Variants in FBXO15 observed in about 807,000 individuals in gnomAD.
The protein encoded by FBXO15 is F-box protein 15.
FBXO15 carries 30 observed loss-of-function variants against 49.5 expected under a neutral mutation model. That is an observed-to-expected ratio of 0.61 (90% CI 0.45 to 0.82). The LOEUF (loss-of-function observed/expected upper bound fraction) is 0.82. Among genes scored for constraint, FBXO15 ranks in the 40% least tolerant of loss-of-function variants. The pLI, the probability that FBXO15 is intolerant of heterozygous loss-of-function variation, is 0.00. For synonymous variants in FBXO15, 250 were observed against 232.7 expected (o/e 1.07, Z -0.68); for missense variants, 591 against 631.5 (o/e 0.94, Z 0.69).
rs752621140 is a variant in FBXO15 at position 74,073,423 on chromosome 18, T to C, written c.*38A>G. The C allele has an allele frequency of 6.3e-7, 1 of 1,588,304 alleles. No individual in the cohort carries two copies. Among genetic ancestry groups the C allele is most frequent in the Admixed American group, 1.8e-5 (1 of 56,744 alleles). ...CACCAAGAACAAAGCCAGTCAAAAA[T>C]AAACAACTAAATAACAACAATAATT... On this transcript the variant is annotated 3_prime_UTR_variant, in exon 10 of 10. Coordinates refer to ENST00000419743, the MANE Select transcript of FBXO15 (RefSeq NM_001142958.2).
intron 8 of FBXO15, among the ~76,000 whole-genome samples, chr18:74,101,697 T>A (rs556040978): frequency 6.6e-6 from 1 of 152,104 alleles, no homozygotes; most frequent in Admixed American, 6.5e-5. Flanking sequence ...TGGCAACACA[T>A]TAACCTGATT....
intron 8 of FBXO15, among the ~76,000 whole-genome samples, chr18:74,093,783 T>A (rs1453247526): frequency 2.0e-5 from 3 of 152,218 alleles, no homozygotes; most frequent in African/African-American, 4.8e-5. Flanking sequence ...CTGTTAATGT[T>A]GATATTTTGA....
intron 8 of FBXO15, chr18:74,123,093 T>G: frequency 9.7e-6 from 3 of 308,434 alleles, no homozygotes; most frequent in Non-Finnish European, 5.9e-6. Context: ...CATGGAAAAA[T>G]AATAAGGAAG....
chr18:74,123,420 G>T lies in FBXO15; in HGVS notation c.1086C>A (p.Ser362Arg). Reference sequence around the variant, plus strand: ...TACCACATAGGTAGAAAACCCCACCGCTGTGCAGATCAACATGGAGTTGGT... The same window carrying T: ...TACCACATAGGTAGAAAACCCCACCTCTGTGCAGATCAACATGGAGTTGGT... Reference protein sequence around the residue: ...HGYQLHVDLHSGGVFYLCGTF... With the variant: ...HGYQLHVDLHRGGVFYLCGTF... The change falls in exon 8 of 10, where the codon AGC becomes AGA. Residue 362 changes from serine (S) to arginine (R), a missense_variant. Ser to Arg is a moderately radical substitution (Grantham distance 110). Transcript: ENST00000419743. The T allele has an allele frequency of 6.2e-7, 1 of 1,613,926 alleles. No homozygotes were observed. Among genetic ancestry groups the T allele is most frequent in the Non-Finnish European group, 8.5e-7 (1 of 1,179,932 alleles).
At chr18:74,140,378 C>A in intron 1 of FBXO15, 66 bp from the exon 2 acceptor site, 1 of 1,380,080 alleles carries the variant, frequency 7.2e-7, no homozygotes, top group Non-Finnish European at 9.8e-7. Context: ...CTATTCCCTT[C>A]TACAAAATTC....
rs562304020 is a variant in FBXO15 at position 74,077,883 on chromosome 18, G to A, written c.1263+4044C>T. Among the ~76,000 whole-genome samples the A allele has an allele frequency of 5.3e-5, 8 of 152,272 alleles. No homozygotes were observed. The South Asian group carries it at 6.2e-4, about 12-fold the overall frequency. Reference sequence around the variant, plus strand: ...TCTTCCACACCCCACCACCCTGCACGACCTTAGCCACTGGGCTAGCAGTCA... The same window carrying A: ...TCTTCCACACCCCACCACCCTGCACAACCTTAGCCACTGGGCTAGCAGTCA... On this transcript the variant is annotated intron_variant, in intron 9 of 9. Transcript: ENST00000419743.
chr18:74,085,831 C>A (rs961248322), intron 8 of FBXO15, among the ~76,000 whole-genome samples: 1 of 152,036 alleles, frequency 6.6e-6, no homozygotes, highest in African/African-American at 2.4e-5. Context: ...AAGCTGAAAC[C>A]ATAACAATGG....
chr18:74,096,887 C>T (rs1466853609), intron 8 of FBXO15: 3 of 152,238 alleles, frequency 2.0e-5, no homozygotes, highest in Non-Finnish European at 4.4e-5. Context: ...ACAGGACACA[C>T]ACCAAATACT....
At chr18:74,143,752 G>A (rs189529553) in intron 1 of FBXO15, among the ~76,000 whole-genome samples, 1 of 152,164 alleles carries the variant, frequency 6.6e-6, no homozygotes, top group South Asian at 2.1e-4. Context: ...TGTCTATATG[G>A]CTTGCTCCCT....
intron 8 of FBXO15, among the ~76,000 whole-genome samples, chr18:74,112,489 C>G (rs1184770449): frequency 6.6e-6 from 1 of 152,010 alleles, no homozygotes; most frequent in East Asian, 1.9e-4. Context: ...AGGAAAAAAA[C>G]AGGAATACAG....
At chr18:74,122,202 C>T (rs1914505351) in intron 8 of FBXO15, among the ~76,000 whole-genome samples, 1 of 152,240 alleles carries the variant, frequency 6.6e-6, no homozygotes, top group African/African-American at 2.4e-5. Context: ...AATAAAATTA[C>T]TGCATTAAAG....
In FBXO15 at chr18:74,082,063, T is replaced by A; in HGVS notation, c.1139-12A>T. On this transcript the variant is annotated splice_polypyrimidine_tract_variant and intron_variant, in intron 8 of 9. Coordinates refer to ENST00000419743, the MANE Select transcript of FBXO15 (RefSeq NM_001142958.2). Reference sequence around the variant, plus strand: ...ATTTTCAATATTTCCTGAAAAGATATAAGATTGTTTCAATCACTGTCTTCC... The same window carrying A: ...ATTTTCAATATTTCCTGAAAAGATAAAAGATTGTTTCAATCACTGTCTTCC... The A allele has an allele frequency of 6.2e-7, 1 of 1,608,408 alleles. No individual in the cohort carries two copies. The highest frequency in any genetic ancestry group is 8.5e-7 in the Non-Finnish European group (1 of 1,178,192).
chr18:74,145,504 T>C (rs1233538076), intron 1 of FBXO15, among the ~76,000 whole-genome samples: 1 of 152,038 alleles, frequency 6.6e-6, no homozygotes, highest in East Asian at 1.9e-4. Flanking sequence ...CTCTGTACCA[T>C]GTCTTACATG....
chr18:74,090,942 A>C (rs146799697), intron 8 of FBXO15, among the ~76,000 whole-genome samples: 3 of 152,150 alleles, frequency 2.0e-5, no homozygotes, highest in Non-Finnish European at 4.4e-5. Context: ...TCAGGTCCTG[A>C]ATATCTTTGT....
intron 8 of FBXO15, among the ~76,000 whole-genome samples, chr18:74,087,216 T>C (rs1167094732): frequency 1.3e-5 from 2 of 152,248 alleles, no homozygotes; most frequent in Non-Finnish European, 2.9e-5. Context: ...GGATGGTAGT[T>C]GCTGAATGTG....
chr18:74,121,057 T>C (rs1204118262), intron 8 of FBXO15, among the ~76,000 whole-genome samples: 1 of 152,074 alleles, frequency 6.6e-6, no homozygotes, highest in African/African-American at 2.4e-5. Flanking sequence ...GCCAATAAAG[T>C]CAGCAACTTA....
chr18:74,088,958 T>C (rs1386327662), intron 8 of FBXO15, among the ~76,000 whole-genome samples: 1 of 152,166 alleles, frequency 6.6e-6, no homozygotes, highest in Non-Finnish European at 1.5e-5. Flanking sequence ...GTATTCCTAT[T>C]TGTAGGTATT....
intron 8 of FBXO15, among the ~76,000 whole-genome samples, chr18:74,094,082 AT>A (rs1202023528): frequency 6.6e-6 from 1 of 152,224 alleles, no homozygotes; most frequent in Non-Finnish European, 1.5e-5. Flanking sequence ...CTTTTTGTAC[AT>A]CTCCATCAGA....
intron 4 of FBXO15, 148 bp downstream of exon 4, chr18:74,130,268 G>T (rs531478737): frequency 2.7e-6 from 3 of 1,112,928 alleles, no homozygotes; most frequent in Non-Finnish European, 3.8e-6. Context: ...AAGGCTATGC[G>T]GAATAGGAAA....
Sources: allele counts gnomAD v4.1 joint callset (sites outside exome capture counted in the v4.1 genomes callset), GRCh38; gene constraint gnomAD v4.1.1; transcripts MANE v1.5; gene names NCBI Gene and HGNC (gene_info 2026-07-23, HGNC 2026-07-21).